GULP1: variants seen among roughly 807,000 people sequenced by gnomAD.
GULP1 encodes PTB domain-containing engulfment adapter protein 1.
In GULP1, 19 loss-of-function variants were observed where a neutral mutation model predicts 40.9. The ratio of observed to expected loss-of-function variants is 0.46; its 90% CI spans 0.32 to 0.68. The LOEUF is 0.68. GULP1 is among the 30% of genes least tolerant of loss of function. The probability of loss-of-function intolerance (pLI) is 0.03; values close to 1 mark genes in which losing one functional copy is unlikely to be tolerated. For synonymous variants in GULP1, 119 were observed against 117.6 expected, an observed-to-expected ratio of 1.01 and a Z score of -0.08; for missense variants, 312 against 362.2, an observed-to-expected ratio of 0.86 and a Z score of 1.12.
At position 188,451,191 on chromosome 2, in the gene GULP1, G is replaced by A. The variant is rs558311520; in HGVS notation, c.-44-26468G>A. Reference sequence around the variant, plus strand: ...ATGATGTAAAACACATGGTACATTCGGGAGGAAAGCATGTTGTTTCACTTT... The same window carrying A: ...ATGATGTAAAACACATGGTACATTCAGGAGGAAAGCATGTTGTTTCACTTT... On this transcript the variant is annotated intron_variant, in intron 2 of 11. Coordinates refer to ENST00000409830, the MANE Select transcript of GULP1 (RefSeq NM_016315.4). 3.3e-5 allele frequency among the ~76,000 whole-genome samples: 5 copies of A among 152,114 alleles called. No individual in the cohort carries two copies. In the South Asian group the frequency reaches 8.3e-4, roughly 25 times the overall value.
At chr2:188,397,546 T>C (rs1282760968) in intron 2 of GULP1, among the ~76,000 whole-genome samples, 4 of 152,336 alleles carry the variant, frequency 2.6e-5, no homozygotes, top group Non-Finnish European at 4.4e-5. Flanking sequence ...GTTGCTGATA[T>C]GAAAAATTGA....
intron 2 of GULP1, among the ~76,000 whole-genome samples, chr2:188,411,218 G>A (rs750378812): frequency 4.6e-5 from 7 of 152,286 alleles, no homozygotes; most frequent in Middle Eastern, 3.4e-3. Flanking sequence ...CTGTGTCAGC[G>A]TATGTTATTC....
intron 7 of GULP1, among the ~76,000 whole-genome samples, chr2:188,564,520 T>C (rs1697163799): frequency 6.6e-6 from 1 of 151,870 alleles, no homozygotes; most frequent in East Asian, 1.9e-4. Flanking sequence ...TTTAAAAATA[T>C]GCAAGCCCTC....
At chr2:188,561,503 C>T (rs1252870874) in intron 7 of GULP1, among the ~76,000 whole-genome samples, 3 of 152,178 alleles carry the variant, frequency 2.0e-5, no homozygotes, top group African/African-American at 7.2e-5. Context: ...GGGCCAACCT[C>T]ATGCCTCTGG....
chr2:188,457,468 T>A (rs1296757133), intron 2 of GULP1, among the ~76,000 whole-genome samples: 3 of 152,180 alleles, frequency 2.0e-5, no homozygotes, highest in Admixed American at 2.0e-4. Flanking sequence ...GCCATCCACG[T>A]AGGATGTGAC....
At chr2:188,486,557 A>G (rs1215240291) in intron 4 of GULP1, among the ~76,000 whole-genome samples, 1 of 151,966 alleles carries the variant, frequency 6.6e-6, no homozygotes, top group Non-Finnish European at 1.5e-5. Flanking sequence ...GTTTTAAAGC[A>G]TTAGTGTTCT....
At chr2:188,573,549 A>G (rs1207967763) in intron 9 of GULP1, among the ~76,000 whole-genome samples, 2 of 152,226 alleles carry the variant, frequency 1.3e-5, no homozygotes, top group South Asian at 2.1e-4. Flanking sequence ...TACAGGACAC[A>G]CAGCAGGAAC....
At chr2:188,321,018 T>A (rs1362844299) in intron 1 of GULP1, among the ~76,000 whole-genome samples, 1 of 152,006 alleles carries the variant, frequency 6.6e-6, no homozygotes, top group African/African-American at 2.4e-5. Context: ...GACTTAATGG[T>A]CTTATTTCCG....
intron 2 of GULP1, among the ~76,000 whole-genome samples, chr2:188,469,167 C>T (rs1205647428): frequency 6.6e-6 from 1 of 152,124 alleles, no homozygotes; most frequent in Non-Finnish European, 1.5e-5. Flanking sequence ...AATATTTTGT[C>T]CAGTTTGGTC....
At chr2:188,450,481 T>G (rs984072405) in intron 2 of GULP1, among the ~76,000 whole-genome samples, 2 of 152,120 alleles carry the variant, frequency 1.3e-5, no homozygotes, top group African/African-American at 4.8e-5. Context: ...GTGTGCACAT[T>G]TTTAAGTGAC....
intron 1 of GULP1, among the ~76,000 whole-genome samples, chr2:188,340,854 CG>C (rs2042875204): frequency 1.3e-5 from 2 of 151,990 alleles, no homozygotes; most frequent in African/African-American, 4.8e-5. Context: ...GTATTCTTCC[CG>C]TGAAGAACAG....
At chr2:188,544,965 A>G (rs1355169174) in intron 7 of GULP1, among the ~76,000 whole-genome samples, 1 of 152,004 alleles carries the variant, frequency 6.6e-6, no homozygotes, top group Non-Finnish European at 1.5e-5. Context: ...ACTAAAGACA[A>G]AAGAAAAATC....
chr2:188,371,696 T>C (rs1325785277), intron 1 of GULP1, among the ~76,000 whole-genome samples: 1 of 152,126 alleles, frequency 6.6e-6, no homozygotes, highest in Admixed American at 6.6e-5. Context: ...AATAATTAAG[T>C]TAAGCAAGCA....
chr2:188,571,052 G>A (rs1698925943), intron 9 of GULP1, among the ~76,000 whole-genome samples: 1 of 152,124 alleles, frequency 6.6e-6, no homozygotes, highest in African/African-American at 2.4e-5. Context: ...CAGCCACTGA[G>A]GAGGCTGAGG....
intron 7 of GULP1, among the ~76,000 whole-genome samples, chr2:188,544,098 A>T (rs1028652334): frequency 3.9e-5 from 6 of 152,096 alleles, no homozygotes; most frequent in African/African-American, 1.2e-4. Context: ...GGGGCAGTGC[A>T]TTTCCACCCT....
chr2:188,530,051 A>G (rs932451077), intron 6 of GULP1, among the ~76,000 whole-genome samples: 1 of 152,158 alleles, frequency 6.6e-6, no homozygotes, highest in African/African-American at 2.4e-5. Flanking sequence ...ATAGCAAGGC[A>G]TATACCTTAT....
chr2:188,340,978 C>T (rs1296032783), intron 1 of GULP1, among the ~76,000 whole-genome samples: 1 of 152,136 alleles, frequency 6.6e-6, no homozygotes, highest in African/African-American at 2.4e-5. Context: ...TCTCTGCTCT[C>T]TGCCAGTGGA....
At chr2:188,529,799 A>C (rs900205060) in intron 6 of GULP1, among the ~76,000 whole-genome samples, 1 of 152,104 alleles carries the variant, frequency 6.6e-6, no homozygotes, top group Non-Finnish European at 1.5e-5. Flanking sequence ...CACTCATCAA[A>C]TTGGATTAGG....
At chr2:188,556,519 A>G (rs78303034) in intron 7 of GULP1, among the ~76,000 whole-genome samples, 1,742 of 152,034 alleles carry the variant, frequency 0.011, 40 homozygotes, top group African/African-American at 0.039. Flanking sequence ...AGTATCTTCA[A>G]TTCTTTATCT....
Sources: gnomAD v4.1 joint callset for allele counts (sites outside exome capture counted in the v4.1 genomes callset) on GRCh38, gnomAD v4.1.1 for gene constraint, MANE v1.5 for transcripts, NCBI Gene and HGNC (gene_info 2026-07-23, HGNC 2026-07-21) for gene names.